The following ARHGAP15 variants were observed in gnomAD, a reference collection of about 807,000 sequenced individuals.
The protein encoded by ARHGAP15 is rho GTPase-activating protein 15.
In ARHGAP15, 51 loss-of-function variants were observed where a neutral mutation model predicts 63.7. That is an observed-to-expected ratio of 0.80 (90% CI 0.64 to 1.01). The LOEUF is 1.01. ARHGAP15 is among the 50% of genes least tolerant of loss of function. The pLI is 0.00. For synonymous variants in ARHGAP15, 191 were observed against 193.8 expected (o/e 0.99, Z 0.12); for missense variants, 560 against 564.6 (o/e 0.99, Z 0.08).
At chr2:143,764,798 G>A (rs1420987090) in intron 13 of ARHGAP15, among the ~76,000 whole-genome samples, 2 of 152,220 alleles carry the variant, frequency 1.3e-5, no homozygotes, top group East Asian at 3.9e-4. Context: ...TAATTAAATA[G>A]GTAACTCTAT....
intron 6 of ARHGAP15, among the ~76,000 whole-genome samples, chr2:143,363,147 C>T (rs1686136018): frequency 6.6e-6 from 1 of 152,234 alleles, no homozygotes; most frequent in African/African-American, 2.4e-5. Flanking sequence ...CCATTCCCTT[C>T]TTTTCACTTT....
At chr2:143,754,980 A>G (rs1686518742) in intron 13 of ARHGAP15, among the ~76,000 whole-genome samples, 1 of 152,198 alleles carries the variant, frequency 6.6e-6, no homozygotes, top group Non-Finnish European at 1.5e-5. Flanking sequence ...AGTGTTGCTG[A>G]CTGAACATTG....
chr2:143,171,832 A>G, intron 2 of ARHGAP15: 1 of 152,064 alleles, frequency 6.6e-6, no homozygotes, highest in East Asian at 1.9e-4. Flanking sequence ...AAATAAATAA[A>G]TCTGTAGTGG....
intron 1 of ARHGAP15, among the ~76,000 whole-genome samples, chr2:143,138,971 C>T (rs895694552): frequency 4.6e-5 from 7 of 151,992 alleles, no homozygotes; most frequent in East Asian, 1.9e-4. Flanking sequence ...GTGTGTGGCT[C>T]ATATTATATT....
chr2:143,182,513 G>A (rs1228738263), intron 2 of ARHGAP15, among the ~76,000 whole-genome samples: 1 of 152,140 alleles, frequency 6.6e-6, no homozygotes, highest in Non-Finnish European at 1.5e-5. Context: ...GATGGGTGGT[G>A]GGGAGGAAAA....
At chr2:143,577,488 T>G (rs1482908554) in intron 11 of ARHGAP15, among the ~76,000 whole-genome samples, 2 of 152,104 alleles carry the variant, frequency 1.3e-5, no homozygotes, top group Non-Finnish European at 2.9e-5. Context: ...TGATGCAGCT[T>G]CAAGCATAAC....
chr2:143,633,454 CAG>C (rs535293957), intron 12 of ARHGAP15, among the ~76,000 whole-genome samples: 70 of 152,194 alleles, frequency 4.6e-4, no homozygotes, highest in African/African-American at 1.7e-3. Context: ...GGCCTTGACT[CAG>C]AAATTAATTG....
chr2:143,688,420 A>G (rs564818608), intron 12 of ARHGAP15, among the ~76,000 whole-genome samples: 1 of 152,334 alleles, frequency 6.6e-6, no homozygotes, highest in South Asian at 2.1e-4. Context: ...AAATGCCCCC[A>G]GAGCTTTCAC....
At chr2:143,254,350 TAC>T (rs1680311605) in intron 6 of ARHGAP15, among the ~76,000 whole-genome samples, 1 of 152,112 alleles carries the variant, frequency 6.6e-6, no homozygotes, top group South Asian at 2.1e-4. Flanking sequence ...GTTAGGCAGT[TAC>T]AGTCTTTCAA....
intron 2 of ARHGAP15, among the ~76,000 whole-genome samples, chr2:143,201,666 A>G (rs772853373): frequency 6.6e-6 from 1 of 152,080 alleles, no homozygotes; most frequent in African/African-American, 2.4e-5. Context: ...CTTTCTATCA[A>G]TCGGAAACCT....
At chr2:143,682,838 TCTC>T (rs1371566004) in intron 12 of ARHGAP15, 3 of 152,066 alleles carry the variant, frequency 2.0e-5, no homozygotes, top group Non-Finnish European at 2.9e-5. Flanking sequence ...CCTACCCACT[TCTC>T]CTTTTTCGCA....
At chr2:143,763,127 G>A (rs938346917) in intron 13 of ARHGAP15, among the ~76,000 whole-genome samples, 2 of 151,874 alleles carry the variant, frequency 1.3e-5, no homozygotes, top group Non-Finnish European at 2.9e-5. Flanking sequence ...CCCCACAGTA[G>A]GAGTGAAATT....
intron 6 of ARHGAP15, among the ~76,000 whole-genome samples, chr2:143,429,945 C>T (rs183656346): frequency 1.6e-4 from 24 of 152,222 alleles, no homozygotes; most frequent in Admixed American, 1.2e-3. Flanking sequence ...ATAACACCCT[C>T]CATGCATATT....
chr2:143,606,740 C>T (rs1020525432), intron 11 of ARHGAP15: 1 of 152,128 alleles, frequency 6.6e-6, no homozygotes, highest in African/African-American at 2.4e-5. Flanking sequence ...GTACACTTTC[C>T]TCAAGGTCAA....
chr2:143,477,602 G>A (rs1401222753), intron 8 of ARHGAP15, among the ~76,000 whole-genome samples: 2 of 151,684 alleles, frequency 1.3e-5, no homozygotes, highest in Non-Finnish European at 2.9e-5. Context: ...ACAAAAAACT[G>A]GCATAGCTTG....
intron 2 of ARHGAP15, among the ~76,000 whole-genome samples, chr2:143,161,824 T>C (rs1690310536): frequency 6.6e-6 from 1 of 151,854 alleles, no homozygotes; most frequent in African/African-American, 2.4e-5. Context: ...GAGTGAGAGC[T>C]GAGGATGATT....
intron 6 of ARHGAP15, among the ~76,000 whole-genome samples, chr2:143,295,114 A>G (rs757593425): frequency 2.0e-5 from 3 of 152,100 alleles, no homozygotes; most frequent in African/African-American, 4.8e-5. Flanking sequence ...TAAGCATCCA[A>G]TGAAATCTGG....
rs73961840 is a variant in ARHGAP15, at chr2:143,699,047, T to G, written c.1139-4372T>G. Among the ~76,000 whole-genome samples, 1,021 of 152,310 alleles carry G rather than the reference T, an allele frequency of 6.7e-3. 13 individuals carry two copies. Among genetic ancestry groups the G allele is most frequent in the African/African-American group, 0.023 (974 of 41,580 alleles). ...AGTTGACACATCTTTAGTAAGCTGT[T>G]TATGAATCTTAGCTCATTAACCACT... On this transcript the variant is annotated intron_variant, in intron 12 of 13. Transcript: ENST00000295095.
chr2:143,560,626 C>G (rs943851405), intron 11 of ARHGAP15, among the ~76,000 whole-genome samples: 7 of 152,220 alleles, frequency 4.6e-5, no homozygotes, highest in Non-Finnish European at 1.0e-4. Flanking sequence ...TCATGACTTT[C>G]CTTTACACCC....
Sources: allele counts gnomAD v4.1 joint callset (sites outside exome capture counted in the v4.1 genomes callset), GRCh38; gene constraint gnomAD v4.1.1; transcripts MANE v1.5; gene names NCBI Gene and HGNC (gene_info 2026-07-23, HGNC 2026-07-21).